RCC1L: variants seen among roughly 807,000 people sequenced by gnomAD.
The protein encoded by RCC1L is RCC1 like, also known as RCC1-like G exchanging factor-like protein.
RCC1L carries 46 observed loss-of-function variants against 58.6 expected under a neutral mutation model. The observed-to-expected ratio is 0.79, with a 90% CI of 0.62 to 1.00. The LOEUF (loss-of-function observed/expected upper bound fraction) is 1.00. Among genes scored for constraint, RCC1L ranks in the 50% least tolerant of loss-of-function variants. The pLI is 0.00. For synonymous variants in RCC1L, 281 were observed against 262.9 expected (o/e 1.07, Z -0.67); for missense variants, 636 against 623.6 (o/e 1.02, Z -0.21).
intron 6 of RCC1L, among the ~76,000 whole-genome samples, chr7:75,059,303 C>T (rs1806199453): frequency 6.7e-6 from 1 of 150,114 alleles, no homozygotes; most frequent in South Asian, 2.1e-4. Context: ...CACTCTGTTC[C>T]TCTGGCTGCA....
chr7:75,055,828 C>A, intron 9 of RCC1L, 73 bp downstream of exon 9: 1 of 1,575,300 alleles, frequency 6.3e-7, no homozygotes, highest in African/African-American at 1.4e-5. Flanking sequence ...GAGCTGCCCG[C>A]AGTTTGGGGT....
At chr7:75,039,661 G>A (rs1277002870), downstream of RCC1L, among the ~76,000 whole-genome samples, 1 of 152,074 alleles carries the variant, frequency 6.6e-6, no homozygotes, top group Non-Finnish European at 1.5e-5. Flanking sequence ...ACCTGGACAC[G>A]CTACGTCTTC....
Position 75,072,155 on chromosome 7 carries a change from CATATACATAT to C in RCC1L, c.324+1249_324+1258del, listed in dbSNP as rs1176631166. Among the ~76,000 whole-genome samples the C allele has an allele frequency of 2.8e-3, 133 of 48,132 alleles. 11 individuals carry two copies. The East Asian group carries it at 0.053, about 19-fold the overall frequency. 31.6% of individuals were successfully genotyped at this position (48,132 alleles called of 152,430 possible). On this transcript the variant is annotated intron_variant, in intron 1 of 10. Coordinates refer to ENST00000610322, the MANE Select transcript of RCC1L (RefSeq NM_030798.5). ...TTTTAAATTTATACATATACATATA[CATATACATAT>C]ATATATATATATATATATATATATA...
chr7:75,051,197 T>A, intron 10 of RCC1L, among the ~76,000 whole-genome samples: 1 of 145,954 alleles, frequency 6.9e-6, no homozygotes, highest in African/African-American at 2.5e-5. Context: ...ATATATATAT[T>A]TAATATATAT....
chr7:75,029,362 CTT>C (rs1177516960), intron 10 of RCC1L, among the ~76,000 whole-genome samples: 119 of 126,102 alleles, frequency 9.4e-4, no homozygotes, highest in Middle Eastern at 7.9e-3. Context: ...ATGGGGGGAT[CTT>C]TTTTTTTTTT....
At chr7:75,049,426 T>G (rs1554443117) in intron 10 of RCC1L, among the ~76,000 whole-genome samples, 2 of 151,822 alleles carry the variant, frequency 1.3e-5, no homozygotes. Flanking sequence ...TTCCAGAGGC[T>G]GAAGCAAGAG....
chr7:75,069,158 C>A (rs1418107810), intron 2 of RCC1L, among the ~76,000 whole-genome samples: 1 of 149,028 alleles, frequency 6.7e-6, no homozygotes, highest in Non-Finnish European at 1.5e-5. Flanking sequence ...TGAGCCACTG[C>A]GCCTGGCATT....
chr7:75,029,589 C>T (rs1229647738), intron 10 of RCC1L, among the ~76,000 whole-genome samples: 1 of 152,042 alleles, frequency 6.6e-6, no homozygotes, highest in Admixed American at 6.5e-5. Flanking sequence ...GGTGATCCGC[C>T]CACCTTGGCC....
chr7:75,070,478 G>C (rs188908627), intron 2 of RCC1L, among the ~76,000 whole-genome samples, 162 bp downstream of exon 2: 7 of 152,224 alleles, frequency 4.6e-5, no homozygotes, highest in Non-Finnish European at 8.8e-5. Flanking sequence ...GGCTGAGGCA[G>C]GAGAATCACT....
intron 10 of RCC1L, among the ~76,000 whole-genome samples, chr7:75,045,708 G>A (rs1805698940): frequency 6.6e-6 from 1 of 152,180 alleles, no homozygotes; most frequent in African/African-American, 2.4e-5. Context: ...TAGAGATGGG[G>A]TTTCACCATG....
In RCC1L at chr7:75,070,737, T is replaced by C; in HGVS notation, c.357A>G (p.Thr119=). ...CATCCGCAGTCTTAGAGGACAGCAG[T>C]GTGAATCCATAGCCGCAAGCAGCAG... is the stretch of plus-strand genomic sequence containing the variant. ...ISSAACGYGF[T]LLSSKTADVT... Residue 119 remains threonine, a synonymous_variant, in exon 2 of 11, where the codon ACA becomes ACG. Coordinates refer to ENST00000610322, the MANE Select transcript of RCC1L (RefSeq NM_030798.5). 6.2e-7 allele frequency: 1 copy of C among 1,614,128 alleles called. No homozygotes were observed. Among genetic ancestry groups the C allele is most frequent in the Non-Finnish European group, 8.5e-7 (1 of 1,180,012 alleles).
Position 75,058,776 on chromosome 7 carries a change from C to G in RCC1L, c.788-7G>C. Reference sequence around the variant, plus strand: ...ATATTGTAGTGACCCAGACCTAACACAGTGGAAAATACAGATTTTTAATTA... The same window carrying G: ...ATATTGTAGTGACCCAGACCTAACAGAGTGGAAAATACAGATTTTTAATTA... On this transcript the variant is annotated splice_polypyrimidine_tract_variant and splice_region_variant and intron_variant, in intron 6 of 10. Coordinates refer to ENST00000610322, the MANE Select transcript of RCC1L (RefSeq NM_030798.5). The G allele has an allele frequency of 1.2e-6, 2 of 1,613,938 alleles. No homozygotes were observed. Among genetic ancestry groups the G allele is most frequent in the Non-Finnish European group, 1.7e-6 (2 of 1,179,832 alleles).
intron 2 of RCC1L, among the ~76,000 whole-genome samples, chr7:75,067,709 T>C (rs1030310572): frequency 6.6e-6 from 1 of 152,020 alleles, no homozygotes; most frequent in African/African-American, 2.4e-5. Context: ...CTTGGGAGGC[T>C]GAGGTGGGAG....
chr7:75,060,628 G>A (rs967009364), intron 6 of RCC1L, among the ~76,000 whole-genome samples: 9 of 152,060 alleles, frequency 5.9e-5, no homozygotes, highest in East Asian at 1.9e-4. Context: ...ATGGGGTTTC[G>A]CCATGGTGGC....
chr7:75,043,454 T>C (rs1391521673), intron 10 of RCC1L, among the ~76,000 whole-genome samples: 1 of 152,222 alleles, frequency 6.6e-6, no homozygotes, highest in African/African-American at 2.4e-5. Flanking sequence ...TGTGCATCCC[T>C]GGAACCTGCA....
chr7:75,052,610 A>C, intron 10 of RCC1L, 101 bp downstream of exon 10: 1 of 1,123,940 alleles, frequency 8.9e-7, no homozygotes, highest in Non-Finnish European at 1.3e-6. Context: ...AGCAGGTCCC[A>C]TGGCCCTCGT....
intron 10 of RCC1L, among the ~76,000 whole-genome samples, chr7:75,029,192 C>A (rs928078160): frequency 3.3e-5 from 5 of 152,130 alleles, no homozygotes; most frequent in African/African-American, 9.7e-5. Flanking sequence ...TCCCACTGGC[C>A]CCCTCCTCCT....
intron 6 of RCC1L, among the ~76,000 whole-genome samples, chr7:75,059,232 G>A (rs1584498471): frequency 1.4e-5 from 2 of 142,698 alleles, no homozygotes; most frequent in Non-Finnish European, 3.1e-5. Flanking sequence ...AGAAAGAAAA[G>A]AAACCCTAAT....
At chr7:75,060,899 T>C (rs1806254651) in intron 6 of RCC1L, among the ~76,000 whole-genome samples, 1 of 148,208 alleles carries the variant, frequency 6.7e-6, no homozygotes, top group Admixed American at 6.8e-5. Context: ...CTGGGCAACA[T>C]GGCGAAACCC....
Sources: gnomAD v4.1 joint callset for allele counts (sites outside exome capture counted in the v4.1 genomes callset) on GRCh38, gnomAD v4.1.1 for gene constraint, MANE v1.5 for transcripts, NCBI Gene and HGNC (gene_info 2026-07-23, HGNC 2026-07-21) for gene names.